PCDHA8: variants seen among roughly 807,000 people sequenced by gnomAD.
PCDHA8 encodes the protein protocadherin alpha 8, also known as protocadherin alpha-8.
A neutral mutation model predicts 61.8 loss-of-function variants in PCDHA8; 53 were observed. That is an observed-to-expected ratio of 0.86 (90% CI 0.69 to 1.08). The LOEUF (loss-of-function observed/expected upper bound fraction) is 1.08. Ranked by LOEUF, PCDHA8 falls within the 50% of genes least tolerant of loss-of-function variation. The pLI is 0.00. For missense variants in PCDHA8, 1,293 were observed against 1,245.0 expected, an observed-to-expected ratio of 1.04 and a Z score of -0.58; for synonymous variants, 618 against 556.6, an observed-to-expected ratio of 1.11 and a Z score of -1.55.
intron 1 of PCDHA8, chr5:140,848,587 T>C (rs2150413508): frequency 6.3e-7 from 1 of 1,594,838 alleles, no homozygotes; most frequent in Non-Finnish European, 8.6e-7. Flanking sequence ...AGCGGCCAGC[T>C]CCACTACTCC....
At chr5:140,907,021 C>A (rs950958374) in intron 1 of PCDHA8, among the ~76,000 whole-genome samples, 1 of 152,168 alleles carries the variant, frequency 6.6e-6, no homozygotes, top group Non-Finnish European at 1.5e-5. Flanking sequence ...TCTAGGCCAG[C>A]AGAACATAAT....
At chr5:140,914,263 G>T (rs950921953) in intron 1 of PCDHA8, among the ~76,000 whole-genome samples, 2 of 151,932 alleles carry the variant, frequency 1.3e-5, no homozygotes, top group South Asian at 2.1e-4. Flanking sequence ...TTCAATGGTG[G>T]GTGCATATAT....
At chr5:140,915,626 G>GTC (rs57920489) in intron 1 of PCDHA8, among the ~76,000 whole-genome samples, 4,335 of 146,228 alleles carry the variant, frequency 0.03, 91 homozygotes, top group African/African-American at 0.067. Flanking sequence ...GTCTCTTTCT[G>GTC]TCTCTCTCTC....
intron 1 of PCDHA8, among the ~76,000 whole-genome samples, chr5:140,911,234 C>A (rs1554194655): frequency 6.6e-6 from 1 of 151,890 alleles, no homozygotes; most frequent in South Asian, 2.1e-4. Context: ...TTTCTTCTGG[C>A]AAAAAAAGTT....
At chr5:140,911,021 G>A (rs1340465729) in intron 1 of PCDHA8, among the ~76,000 whole-genome samples, 2 of 152,066 alleles carry the variant, frequency 1.3e-5, no homozygotes, top group African/African-American at 4.8e-5. Context: ...CTTTAGTCTA[G>A]TTATAGGTCT....
Position 140,982,524 on chromosome 5 carries a change from C to T in PCDHA8, c.2503C>T (p.Pro835Ser). ...CATTCTACGGGCTGGTCCAGGAGGG[C>T]CTGATCAGCAGTGGCCAACAGTATC... ...AGILRAGPGG[P>S]DQQWPTVSSA... Residue 835 changes from proline to serine, a missense_variant, in exon 3 of 4, where the codon CCT (proline) becomes TCT (serine). Transcript: ENST00000531613. The T allele has an allele frequency of 6.2e-7, 1 of 1,614,170 alleles. No homozygotes were observed. Among genetic ancestry groups the T allele is most frequent in the Non-Finnish European group, 8.5e-7 (1 of 1,180,030 alleles).
chr5:140,945,620 C>T (rs1451535910), intron 1 of PCDHA8, among the ~76,000 whole-genome samples: 2 of 152,092 alleles, frequency 1.3e-5, no homozygotes, highest in African/African-American at 4.8e-5. Context: ...CAGCATGGTA[C>T]TGGCATAAAA....
intron 3 of PCDHA8, among the ~76,000 whole-genome samples, chr5:140,994,938 C>T (rs2097656507): frequency 6.6e-6 from 1 of 152,232 alleles, no homozygotes; most frequent in East Asian, 1.9e-4. Context: ...CCTTAAACAT[C>T]CTGCTAAATA....
intron 1 of PCDHA8, among the ~76,000 whole-genome samples, chr5:140,960,713 A>C (rs1272219565): frequency 6.6e-6 from 1 of 150,862 alleles, no homozygotes; most frequent in Non-Finnish European, 1.5e-5. Context: ...CCAAATACTC[A>C]TCTTATTTTA....
chr5:140,854,880 T>C (rs1244023349), intron 1 of PCDHA8, among the ~76,000 whole-genome samples: 4 of 150,006 alleles, frequency 2.7e-5, no homozygotes, highest in African/African-American at 9.8e-5. Flanking sequence ...CTGTGTCTTT[T>C]GGGCATTTGA....
intron 1 of PCDHA8, among the ~76,000 whole-genome samples, chr5:140,950,271 T>C (rs1202365274): frequency 6.6e-6 from 1 of 152,058 alleles, no homozygotes; most frequent in Non-Finnish European, 1.5e-5. Flanking sequence ...ATCCATAATG[T>C]CTTTTTGCTT....
At chr5:140,883,614 A>G (rs2059700095) in intron 1 of PCDHA8, 1 of 1,613,816 alleles carries the variant, frequency 6.2e-7, no homozygotes, top group South Asian at 1.1e-5. Context: ...GCCGACGTGA[A>G]CGACAACGCG....
intron 1 of PCDHA8, among the ~76,000 whole-genome samples, chr5:140,916,824 T>C (rs1207821220): frequency 6.6e-6 from 1 of 152,124 alleles, no homozygotes; most frequent in Non-Finnish European, 1.5e-5. Context: ...GCCACCCCTA[T>C]CCCTCTGGTT....
chr5:140,930,257 A>C (rs1412873070), intron 1 of PCDHA8: 1 of 152,218 alleles, frequency 6.6e-6, no homozygotes, highest in Non-Finnish European at 1.5e-5. Flanking sequence ...ACTTGGATTT[A>C]ATTTCTTTTA....
chr5:140,882,462 G>T, intron 1 of PCDHA8: 1 of 1,614,036 alleles, frequency 6.2e-7, no homozygotes, highest in Non-Finnish European at 8.5e-7. Context: ...CGCCTGTTCC[G>T]GGTGGCGTCC....
At chr5:140,992,954 C>T (rs1174073844) in intron 3 of PCDHA8, among the ~76,000 whole-genome samples, 4 of 152,190 alleles carry the variant, frequency 2.6e-5, no homozygotes, top group Non-Finnish European at 5.9e-5. Context: ...TTAAATCACC[C>T]CTTATACTGC....
intron 3 of PCDHA8, among the ~76,000 whole-genome samples, chr5:141,003,237 T>G (rs1357530548): frequency 6.6e-6 from 1 of 152,228 alleles, no homozygotes; most frequent in Non-Finnish European, 1.5e-5. Flanking sequence ...CTGGAAATTT[T>G]GCCAAAAAGA....
chr5:140,868,980 G>A (rs2050777662), intron 1 of PCDHA8: 2 of 1,489,988 alleles, frequency 1.3e-6, no homozygotes, highest in South Asian at 2.8e-5. Flanking sequence ...CCATCATACC[G>A]GATGCCACCG....
chr5:140,929,428 G>A, intron 1 of PCDHA8: 1 of 1,491,484 alleles, frequency 6.7e-7, no homozygotes. Flanking sequence ...TTCATCAATT[G>A]AACTAAACAC....
Sources: allele counts gnomAD v4.1 joint callset (sites outside exome capture counted in the v4.1 genomes callset), GRCh38; gene constraint gnomAD v4.1.1; transcripts MANE v1.5; gene names NCBI Gene and HGNC (gene_info 2026-07-23, HGNC 2026-07-21).